The following R3HDM1 variants were observed in gnomAD, a reference collection of about 807,000 sequenced individuals.
R3HDM1 encodes the protein R3H domain containing 1, also known as R3H domain-containing protein 1.
A neutral mutation model predicts 141.1 loss-of-function variants in R3HDM1; 46 were observed. That is an observed-to-expected ratio of 0.33 (90% CI 0.26 to 0.42). The LOEUF (loss-of-function observed/expected upper bound fraction) is 0.42, where lower values mean the gene tolerates loss of function less well. Among genes scored for constraint, R3HDM1 ranks in the 10% least tolerant of loss-of-function variants. R3HDM1 has a pLI of 1.00. For missense variants in R3HDM1, 1,184 were observed against 1,368.3 expected, an observed-to-expected ratio of 0.87 and a Z score of 2.12; for synonymous variants, 435 against 472.9, an observed-to-expected ratio of 0.92 and a Z score of 1.04.
At chr2:135,710,276 G>A in intron 23 of R3HDM1, 45 bp downstream of exon 23, 1 of 1,562,116 alleles carries the variant, frequency 6.4e-7, no homozygotes, top group Non-Finnish European at 8.8e-7. Context: ...TTACATTTTT[G>A]TTACCTAAGA....
At chr2:135,591,066 A>G (rs910553814) in intron 1 of R3HDM1, among the ~76,000 whole-genome samples, 60 of 152,186 alleles carry the variant, frequency 3.9e-4, no homozygotes, top group Admixed American at 6.5e-4. Flanking sequence ...CCTATAAAGG[A>G]AACAGATTTT....
chr2:135,635,014 A>G (rs909040146), intron 9 of R3HDM1, among the ~76,000 whole-genome samples: 1 of 152,200 alleles, frequency 6.6e-6, no homozygotes, highest in Non-Finnish European at 1.5e-5. Flanking sequence ...GGAACTTGCA[A>G]CATTTCTGTG....
chr2:135,607,765 T>A, intron 3 of R3HDM1: 1 of 821,340 alleles, frequency 1.2e-6, no homozygotes, highest in Non-Finnish European at 1.5e-6. Flanking sequence ...AACATTCTGA[T>A]GACCACTTTT....
intron 19 of R3HDM1, chr2:135,669,607 C>T: frequency 2.7e-5 from 26 of 978,486 alleles, no homozygotes; most frequent in Non-Finnish European, 3.0e-5. Context: ...ATGTGTTCCT[C>T]AAAAAAGTAA....
At chr2:135,628,026 A>G (rs1403758948) in intron 7 of R3HDM1, among the ~76,000 whole-genome samples, 1 of 152,300 alleles carries the variant, frequency 6.6e-6, no homozygotes, top group Non-Finnish European at 1.5e-5. Flanking sequence ...AACAGCATGT[A>G]TCAGTTCATT....
chr2:135,616,867 T>C (rs1396401436), intron 5 of R3HDM1, 110 bp downstream of exon 5: 5 of 948,098 alleles, frequency 5.3e-6, no homozygotes, highest in Non-Finnish European at 6.4e-6. Flanking sequence ...AAATGAAACT[T>C]ATTCAATAAT....
intron 21 of R3HDM1, among the ~76,000 whole-genome samples, chr2:135,691,293 T>A (rs778330188): frequency 6.6e-6 from 1 of 152,226 alleles, no homozygotes; most frequent in Non-Finnish European, 1.5e-5. Flanking sequence ...ACATTTTATT[T>A]TATACTTTGT....
intron 16 of R3HDM1, among the ~76,000 whole-genome samples, chr2:135,646,425 G>A (rs943575943): frequency 3.3e-5 from 5 of 150,718 alleles, no homozygotes; most frequent in East Asian, 2.0e-4. Context: ...ATGAGCCACC[G>A]CGCCCGGCCT....
intron 3 of R3HDM1, among the ~76,000 whole-genome samples, chr2:135,610,343 G>A (rs1281075026): frequency 6.6e-6 from 1 of 152,170 alleles, no homozygotes; most frequent in Non-Finnish European, 1.5e-5. Context: ...GGTAACCCTT[G>A]TCATGGAGAA....
chr2:135,635,899 G>A lies in R3HDM1; in HGVS notation c.708G>A (p.Gln236=). 6.3e-7 allele frequency: 1 copy of A among 1,592,356 alleles called. No homozygotes were observed. Residue 236 remains glutamine (Q), a synonymous_variant, in exon 10 of 27, where the codon CAG becomes CAA. Transcript: ENST00000683871. The part of the protein sequence containing the change: ...NKTSNTRIPD[Q]KFNEHIKDDK... ...GTTTTTGTTTTTTAAGACCTGATCA[G>A]AAATTTAATGAACATATTAAGGATG... is the stretch of plus-strand genomic sequence containing the variant.
chr2:135,658,961 G>T (rs897541547), intron 18 of R3HDM1, among the ~76,000 whole-genome samples: 3 of 151,840 alleles, frequency 2.0e-5, no homozygotes, highest in African/African-American at 7.3e-5. Context: ...AGTAACACAC[G>T]TGGAGCTGTC....
At chr2:135,667,815 C>G in intron 19 of R3HDM1, 1 of 912,066 alleles carries the variant, frequency 1.1e-6, no homozygotes. Context: ...ACTTTTGACA[C>G]TATGAGAACT....
chr2:135,590,391 T>G (rs1161614389), intron 1 of R3HDM1: 1 of 235,026 alleles, frequency 4.3e-6, no homozygotes, highest in Non-Finnish European at 6.9e-6. Flanking sequence ...ACAGCTTTCC[T>G]TAACAGGTAG....
intron 1 of R3HDM1, among the ~76,000 whole-genome samples, chr2:135,557,840 G>A (rs1459449465): frequency 2.6e-5 from 4 of 152,076 alleles, no homozygotes; most frequent in African/African-American, 9.7e-5. Flanking sequence ...GGAGGAACAA[G>A]GTATTCAAGA....
At chr2:135,670,364 C>T (rs1446077787) in intron 19 of R3HDM1, 5 of 979,164 alleles carry the variant, frequency 5.1e-6, no homozygotes. Context: ...AGCTACTCAA[C>T]ACATGCCTTC....
chr2:135,536,716 C>T (rs1696208073), intron 1 of R3HDM1: 1 of 982,048 alleles, frequency 1.0e-6, no homozygotes, highest in Non-Finnish European at 1.2e-6. Context: ...GTACAATTAA[C>T]TTTGCTAACC....
chr2:135,556,257 T>G (rs930820284), intron 1 of R3HDM1, among the ~76,000 whole-genome samples: 5 of 152,160 alleles, frequency 3.3e-5, no homozygotes, highest in Admixed American at 2.0e-4. Context: ...GCAGTGGGGT[T>G]GTTTTTTGTG....
chr2:135,706,334 A>ATT (rs200907959), intron 21 of R3HDM1, among the ~76,000 whole-genome samples: 22 of 144,538 alleles, frequency 1.5e-4, no homozygotes, highest in African/African-American at 4.5e-4. Flanking sequence ...GGATATTTTG[A>ATT]TTTTTTTTTT....
chr2:135,621,261 AG>A (rs1259735854), intron 5 of R3HDM1, among the ~76,000 whole-genome samples: 2 of 152,052 alleles, frequency 1.3e-5, no homozygotes, highest in African/African-American at 4.8e-5. Context: ...TATAATGTTG[AG>A]GATTTGTTTT....
Sources: gnomAD v4.1 joint callset for allele counts (sites outside exome capture counted in the v4.1 genomes callset) on GRCh38, gnomAD v4.1.1 for gene constraint, MANE v1.5 for transcripts, NCBI Gene and HGNC (gene_info 2026-07-23, HGNC 2026-07-21) for gene names.